Variants in ATP2B2 observed in about 807,000 individuals in gnomAD.
ATP2B2 encodes ATPase plasma membrane Ca2+ transporting 2, also known as plasma membrane calcium-transporting ATPase 2.
A neutral mutation model predicts 120.0 loss-of-function variants in ATP2B2; 15 were observed. That is an observed-to-expected ratio of 0.12 (90% confidence interval 0.08 to 0.19). ATP2B2 has a LOEUF of 0.19. Ranked by LOEUF, ATP2B2 falls within the 10% of genes least tolerant of loss-of-function variation. The pLI is 1.00. For missense variants in ATP2B2, 1,045 were observed against 1,719.8 expected (o/e 0.61, Z 6.94); for synonymous variants, 694 against 700.3 (o/e 0.99, Z 0.14).
intron 3 of ATP2B2, among the ~76,000 whole-genome samples, chr3:10,533,660 T>C (rs1318319411): frequency 6.6e-6 from 1 of 152,114 alleles, no homozygotes; most frequent in Non-Finnish European, 1.5e-5. Context: ...CAGGACCAGG[T>C]GAGGTGGCTG....
chr3:10,511,203 T>C (rs1360627127), intron 3 of ATP2B2, among the ~76,000 whole-genome samples: 2 of 152,128 alleles, frequency 1.3e-5, no homozygotes, highest in Non-Finnish European at 2.9e-5. Flanking sequence ...GAACTCCTAC[T>C]GATCCTTCAA....
At chr3:10,675,273 C>G (rs1450506524) in intron 1 of ATP2B2, among the ~76,000 whole-genome samples, 1 of 152,194 alleles carries the variant, frequency 6.6e-6, no homozygotes, top group Non-Finnish European at 1.5e-5. Flanking sequence ...TCTGCTGGGT[C>G]CCCTGTGATT....
intron 2 of ATP2B2, among the ~76,000 whole-genome samples, chr3:10,579,816 A>AAAACAAAACAAAACAAAACAAAAC (rs1215689748): frequency 7.4e-6 from 1 of 134,526 alleles, no homozygotes; most frequent in Non-Finnish European, 1.5e-5. Context: ...TCTTGAAAAC[A>AAAACAAAACAAAACAAAACAAAAC]AAACAAAACA....
chr3:10,438,225 C>T (rs2063539883), intron 2 of ATP2B2, among the ~76,000 whole-genome samples: 2 of 152,200 alleles, frequency 1.3e-5, no homozygotes, highest in African/African-American at 4.8e-5. Context: ...CTCATGGGTC[C>T]ATGAGTCTCT....
intron 2 of ATP2B2, among the ~76,000 whole-genome samples, chr3:10,588,955 G>A (rs899854817): frequency 6.6e-6 from 1 of 152,178 alleles, no homozygotes; most frequent in Non-Finnish European, 1.5e-5. Flanking sequence ...TAGATATTAG[G>A]AGGAATCTGG....
intron 1 of ATP2B2, among the ~76,000 whole-genome samples, chr3:10,502,717 G>A (rs553125523): frequency 3.3e-5 from 5 of 152,330 alleles, no homozygotes; most frequent in Non-Finnish European, 7.3e-5. Flanking sequence ...CGCCCGCCTG[G>A]GGAAGGCTCC....
At chr3:10,403,109 C>G (rs535252657) in intron 3 of ATP2B2, among the ~76,000 whole-genome samples, 1 of 152,256 alleles carries the variant, frequency 6.6e-6, no homozygotes, top group East Asian at 1.9e-4. Flanking sequence ...TAAGTCATTG[C>G]CCTTCCCCGG....
intron 13 of ATP2B2, 106 bp downstream of exon 13, chr3:10,359,776 C>G: frequency 6.5e-7 from 1 of 1,533,488 alleles, no homozygotes; most frequent in Non-Finnish European, 8.9e-7. Context: ...GCCGGGCAGG[C>G]TGCTGAGCCT....
chr3:10,573,768 C>T (rs2068181709), intron 2 of ATP2B2, among the ~76,000 whole-genome samples: 1 of 152,190 alleles, frequency 6.6e-6, no homozygotes. Flanking sequence ...TAGAGTGCCC[C>T]ATTCTATACA....
intron 5 of ATP2B2, 94 bp from the exon 6 acceptor site, chr3:10,388,496 C>CT: frequency 6.3e-7 from 1 of 1,579,288 alleles, no homozygotes; most frequent in South Asian, 1.1e-5. Context: ...GCTCCTGGCT[C>CT]TTTGCCTGCA....
intron 1 of ATP2B2, among the ~76,000 whole-genome samples, chr3:10,686,515 G>A (rs530681712): frequency 1.1e-4 from 16 of 152,162 alleles, no homozygotes; most frequent in Non-Finnish European, 1.5e-4. Flanking sequence ...TTAGCCATGC[G>A]TGGTGGTGGG....
intron 1 of ATP2B2, among the ~76,000 whole-genome samples, chr3:10,491,111 G>C (rs776658280): frequency 1.3e-5 from 2 of 152,078 alleles, no homozygotes; most frequent in Admixed American, 1.3e-4. Context: ...GTTGGGGAGG[G>C]GGCAACAATG....
chr3:10,539,297 C>T (rs1312622931), intron 2 of ATP2B2, among the ~76,000 whole-genome samples: 1 of 152,100 alleles, frequency 6.6e-6, no homozygotes, highest in South Asian at 2.1e-4. Flanking sequence ...GCCATACTGC[C>T]CAAGGTAATT....
At chr3:10,692,944 G>A (rs1295917238) in intron 1 of ATP2B2, among the ~76,000 whole-genome samples, 1 of 152,208 alleles carries the variant, frequency 6.6e-6, no homozygotes, top group Non-Finnish European at 1.5e-5. Context: ...CCTGCAACAG[G>A]CTCTTCTGCT....
At chr3:10,514,081 G>A (rs1218348916) in intron 3 of ATP2B2, among the ~76,000 whole-genome samples, 1 of 152,196 alleles carries the variant, frequency 6.6e-6, no homozygotes, top group Non-Finnish European at 1.5e-5. Context: ...TGGCTTTGAT[G>A]ATCACCCTAA....
upstream of ATP2B2, among the ~76,000 whole-genome samples, chr3:10,506,583 C>A (rs1009089610): frequency 6.6e-6 from 1 of 152,176 alleles, no homozygotes; most frequent in Non-Finnish European, 1.5e-5. Context: ...GTTAGGAGGT[C>A]ACCGGGGGCG....
chr3:10,345,656 A>G, intron 17 of ATP2B2, 81 bp from the exon 18 acceptor site: 1 of 1,359,232 alleles, frequency 7.4e-7, no homozygotes, highest in Non-Finnish European at 1.0e-6. Context: ...CACTCCCTCC[A>G]CTTCCTCAGT....
intron 1 of ATP2B2, among the ~76,000 whole-genome samples, chr3:10,651,074 AC>A (rs767092869): frequency 5.9e-5 from 9 of 152,226 alleles, no homozygotes; most frequent in Non-Finnish European, 1.2e-4. Context: ...CTAGGAAGTA[AC>A]TAGCTTGCTT....
chr3:10,620,319 G>A (rs1345345748), intron 1 of ATP2B2, among the ~76,000 whole-genome samples: 1 of 152,168 alleles, frequency 6.6e-6, no homozygotes, highest in Non-Finnish European at 1.5e-5. Flanking sequence ...GGAGGAAGAC[G>A]GCTGGGCTTG....
Sources: allele counts gnomAD v4.1 joint callset (sites outside exome capture counted in the v4.1 genomes callset), GRCh38; gene constraint gnomAD v4.1.1; transcripts MANE v1.5; gene names NCBI Gene and HGNC (gene_info 2026-07-23, HGNC 2026-07-21).